The following GATA2 variants were observed in gnomAD, a reference collection of about 807,000 sequenced individuals.
The protein encoded by GATA2 is endothelial transcription factor GATA-2.
In GATA2, 6 loss-of-function variants were observed where a neutral mutation model predicts 35.7. That is an observed-to-expected ratio of 0.17 (90% CI 0.09 to 0.33). The LOEUF is 0.33. Among genes scored for constraint, GATA2 ranks in the 10% least tolerant of loss-of-function variants. The pLI, the probability that GATA2 is intolerant of heterozygous loss-of-function variation, is 1.00. For missense variants in GATA2, 541 were observed against 656.6 expected (o/e 0.82, Z 1.92); for synonymous variants, 313 against 274.9 (o/e 1.14, Z -1.37).
chr3:128,486,456 G>T (rs1005227509), intron 2 of GATA2, 88 bp from the exon 3 acceptor site: 2 of 1,490,574 alleles, frequency 1.3e-6, no homozygotes, highest in South Asian at 1.2e-5. Context: ...TTGAGATCAC[G>T]ACTCCCAGAA....
At chr3:128,485,703 G>A (rs781384657) in intron 3 of GATA2, 24 bp downstream of exon 3, 6 of 1,611,486 alleles carry the variant, frequency 3.7e-6, no homozygotes, top group South Asian at 1.1e-5. Context: ...CCTCTTCCAC[G>A]AAGTCCCCAG....
chr3:128,491,812 A>G (rs1242764408), intron 1 of GATA2, among the ~76,000 whole-genome samples: 1 of 151,696 alleles, frequency 6.6e-6, no homozygotes, highest in Non-Finnish European at 1.5e-5. Flanking sequence ...TCCCCGCGGA[A>G]CCCTGCTGAG....
At chr3:128,482,507 T>C (rs2068642846) in intron 4 of GATA2, among the ~76,000 whole-genome samples, 1 of 152,146 alleles carries the variant, frequency 6.6e-6, no homozygotes, top group Non-Finnish European at 1.5e-5. Context: ...ATTAACAAAA[T>C]TAAAAACCCA....
rs2068740456 is a variant in GATA2 at position 128,488,896 on chromosome 3, C to T, written c.-45-1820G>A. On this transcript the variant is annotated intron_variant, in intron 1 of 5. Coordinates refer to ENST00000341105, the MANE Select transcript of GATA2 (RefSeq NM_032638.5). This position sits in a 1 kb window ranked among gnomAD's most constrained non-coding sequence, Gnocchi z 5.8. ...GGGGAGACGGAGGCTCGAAGGGAGC[C>T]CCGGGCCGAGGAGGGAGGTCCAGGA... Among the ~76,000 whole-genome samples, 1 of 152,162 alleles carries T rather than the reference C, an allele frequency of 6.6e-6. No individual in the cohort carries two copies. The highest frequency in any genetic ancestry group is 2.1e-4 in the South Asian group (1 of 4,828).
intron 1 of GATA2, chr3:128,489,598 G>A (rs1191934521): frequency 7.2e-5 from 11 of 152,120 alleles, no homozygotes; most frequent in Admixed American, 7.2e-4. Context: ...GCGCCAGCCC[G>A]GGAAGCCGCG....
Position 128,479,604 on chromosome 3 carries a change from T to C in GATA2, c.*1415A>G, listed in dbSNP as rs2068598393. 1 of 233,524 alleles carries C rather than the reference T, an allele frequency of 4.3e-6. No individual in the cohort carries two copies. Among genetic ancestry groups the C allele is most frequent in the African/African-American group, 2.2e-5 (1 of 45,342 alleles). The allele number at this position is 233,524 out of a possible 1,614,324, so 14.5% of individuals were successfully genotyped here. ...AAAACAGAAAATACTGCCGATTCTT[T>C]TTCTTATGCGGACACTAGTACAAAA... On this transcript the variant is annotated 3_prime_UTR_variant, in exon 6 of 6. Transcript: ENST00000341105.
Position 128,481,938 on chromosome 3 carries a change from C to T in GATA2, c.1024G>A (p.Ala342Thr), listed in dbSNP as rs751285156. ...LIKPKRRLSA[A>T]RRAGTCCANC... ...GCACAACAGGTGCCGGCTCTTCTGGCGGCCGACTGGGAGGGCAAGGCAGCG... is the reference window on the plus strand; with the variant it reads ...GCACAACAGGTGCCGGCTCTTCTGGTGGCCGACTGGGAGGGCAAGGCAGCG... The change falls in exon 5 of 6, where the codon GCC becomes ACC. Residue 342 changes from alanine to threonine, a missense_variant. Physicochemically the swap from Ala to Thr is moderately conservative, Grantham distance 58. This residue lies in a region of GATA2 where 19 missense variants were observed against 18.9 expected (regional missense o/e 1.00). Transcript: ENST00000341105. 2.2e-5 allele frequency: 35 copies of T among 1,613,364 alleles called. No individual in the cohort carries two copies. Among genetic ancestry groups the T allele is most frequent in the Admixed American group, 8.3e-5 (5 of 60,008 alleles).
chr3:128,481,091 C>T lies in GATA2; in HGVS notation c.1371G>A (p.Thr457=), dbSNP rs763539605. The change falls in exon 6 of 6, where the codon ACG becomes ACA. Residue 457 remains threonine (T), a synonymous_variant. Transcript: ENST00000341105. ...AGAGGCTGGAGGAGGGGTGGATGGG[C>T]GTCGGAGTGGGCAGGATGTGTCCGG... ...SHSGHILPTP[T]PIHPSSSLSF... is the part of the protein sequence containing the mutation. 3 of 1,610,310 alleles carry T rather than the reference C, an allele frequency of 1.9e-6. No individual in the cohort carries two copies. Among genetic ancestry groups the T allele is most frequent in the Non-Finnish European group, 2.5e-6 (3 of 1,177,474 alleles).
intron 1 of GATA2, chr3:128,490,419 GA>G (rs987969655): frequency 2.6e-5 from 4 of 152,144 alleles, no homozygotes; most frequent in Non-Finnish European, 4.4e-5. Flanking sequence ...CGGTGTAGAG[GA>G]AAAAAAGGAA....
In GATA2 at chr3:128,480,974, T is replaced by C. The variant is rs1167493201; in HGVS notation, c.*45A>G. ...AAATGCTGGGCTGCTAAGGGTTTGGTCCACCCATCCCGGGAGTGCCCGGTC... is the reference window on the plus strand; with the variant it reads ...AAATGCTGGGCTGCTAAGGGTTTGGCCCACCCATCCCGGGAGTGCCCGGTC... On this transcript the variant is annotated 3_prime_UTR_variant, in exon 6 of 6. Coordinates refer to ENST00000341105, the MANE Select transcript of GATA2 (RefSeq NM_032638.5). The C allele has an allele frequency of 2.7e-6, 4 of 1,495,352 alleles. No homozygotes were observed. The highest frequency in any genetic ancestry group is 3.6e-6 in the Non-Finnish European group (4 of 1,120,092). 92.6% of individuals were successfully genotyped at this position (1,495,352 alleles called of 1,614,324 possible). A position where few individuals can be genotyped will look rare whatever the true frequency, so the allele number is the denominator to read the frequency against.
Position 128,479,596 on chromosome 3 carries a change from C to T in GATA2, c.*1423G>A, listed in dbSNP as rs970826848. ...AAAACATAAAAACAGAAAATACTGC[C>T]GATTCTTTTTCTTATGCGGACACTA... On this transcript the variant is annotated 3_prime_UTR_variant, in exon 6 of 6. Coordinates refer to ENST00000341105, the MANE Select transcript of GATA2 (RefSeq NM_032638.5). 3.9e-5 allele frequency: 9 copies of T among 233,336 alleles called. No individual in the cohort carries two copies. The highest frequency in any genetic ancestry group is 1.1e-4 in the Admixed American group (2 of 17,774). 14.5% of individuals were successfully genotyped at this position (233,336 alleles called of 1,614,324 possible). A position where few individuals can be genotyped will look rare whatever the true frequency, so the allele number is the denominator to read the frequency against.
At chr3:128,489,615 G>T (rs1442352265) in intron 1 of GATA2, 4 of 152,126 alleles carry the variant, frequency 2.6e-5, no homozygotes, top group Non-Finnish European at 4.4e-5. Context: ...CGCGCAGGGG[G>T]CGGGAGGCCG....
intron 4 of GATA2, among the ~76,000 whole-genome samples, chr3:128,482,905 T>TG (rs943210796): frequency 6.6e-6 from 1 of 152,120 alleles, no homozygotes; most frequent in African/African-American, 2.4e-5. Context: ...GTGGTGAGTG[T>TG]GGGGGGCTGG....
rs1038263839 is a variant in GATA2, at chr3:128,482,692, G to A, written c.1018-748C>T. Among the ~76,000 whole-genome samples, 4 of 151,584 alleles carry A rather than the reference G, an allele frequency of 2.6e-5. 1 individual carries two copies. Among genetic ancestry groups the A allele is most frequent in the African/African-American group, 9.7e-5 (4 of 41,154 alleles). On this transcript the variant is annotated intron_variant, in intron 4 of 5. Transcript: ENST00000341105. The stretch of plus-strand genomic sequence containing the variant: ...CCCTTAGAGCTTTAACCACCCCGCA[G>A]CCCCTCTGAGTCCTAGTCCCTCAGG...
rs1576748638 is a variant in GATA2 at position 128,485,988 on chromosome 3, G to C, written c.610C>G (p.Arg204Gly). The C allele has an allele frequency of 2.5e-6, 4 of 1,614,186 alleles. No homozygotes were observed. The highest frequency in any genetic ancestry group is 3.4e-6 in the Non-Finnish European group (4 of 1,180,032). Residue 204 changes from arginine to glycine, a missense_variant, in exon 3 of 6, where the codon CGA becomes GGA. By Grantham distance (125) the Arg-to-Gly change is moderately radical. Transcript: ENST00000341105. The part of the protein sequence containing the change: ...ASSSAGGSAA[R>G]GEDKDGVKYQ... Reference sequence around the variant, plus strand: ...TTGACGCCGTCCTTGTCCTCTCCTCGGGCTGCACTACCCCCCGCGGAAGAT... The same window carrying C: ...TTGACGCCGTCCTTGTCCTCTCCTCCGGCTGCACTACCCCCCGCGGAAGAT...
chr3:128,479,671 G>A lies in GATA2; in HGVS notation c.*1348C>T, dbSNP rs182456056. On this transcript the variant is annotated 3_prime_UTR_variant, in exon 6 of 6. Transcript: ENST00000341105. The stretch of plus-strand genomic sequence containing the variant: ...GTGGTGCTCCCTGCAGCGACTGCCC[G>A]CCCATATTGCACTTGGTCACTACAT... 7.7e-5 allele frequency: 18 copies of A among 233,576 alleles called. No homozygotes were observed. The highest frequency in any genetic ancestry group is 1.8e-4 in the African/African-American group (8 of 45,452). The allele number at this position is 233,576 out of a possible 1,614,324, so 14.5% of individuals were successfully genotyped here.
At chr3:128,485,440 G>T (rs182094153) in intron 3 of GATA2, among the ~76,000 whole-genome samples, 178 of 152,324 alleles carry the variant, frequency 1.2e-3, no homozygotes, top group African/African-American at 4.2e-3. Flanking sequence ...TTCAGGGAGG[G>T]AAAGGGGGAA....
Position 128,486,937 on chromosome 3 carries a change from T to C in GATA2, c.95A>G (p.Asn32Ser), listed in dbSNP as rs1237254296. 1.2e-6 allele frequency: 2 copies of C among 1,613,074 alleles called. No individual in the cohort carries two copies. Among genetic ancestry groups the C allele is most frequent in the East Asian group, 2.2e-5 (1 of 44,858 alleles). ...PDSHHPGLAH[N>S]YMEPAQLLPP... ...CAGCAGCTGCGCGGGTTCCATGTAG[T>C]TGTGCGCCAGGCCCGGGTGGTGTGA... The change falls in exon 2 of 6, where the codon AAC becomes AGC. Residue 32 changes from asparagine to serine, a missense_variant. By Grantham distance (46) the Asn-to-Ser change is conservative (BLOSUM62 1). Coordinates refer to ENST00000341105, the MANE Select transcript of GATA2 (RefSeq NM_032638.5).
Position 128,482,304 on chromosome 3 carries a change from G to A in GATA2, c.1018-360C>T, listed in dbSNP as rs189360887. 3.0e-3 allele frequency among the ~76,000 whole-genome samples: 456 copies of A among 152,210 alleles called. 1 individual carries two copies. Among genetic ancestry groups the A allele is most frequent in the Non-Finnish European group, 4.7e-3 (318 of 68,008 alleles). On this transcript the variant is annotated intron_variant, in intron 4 of 5. Coordinates refer to ENST00000341105, the MANE Select transcript of GATA2 (RefSeq NM_032638.5). ...AGCACAGGCATCCTGAGGCTGAGCC[G>A]GCTTGGTCCCCCTCGAGCCCCTGGA...
Sources: allele counts gnomAD v4.1 joint callset (sites outside exome capture counted in the v4.1 genomes callset), GRCh38; gene constraint gnomAD v4.1.1; regional missense constraint gnomAD v4.1.1; non-coding constraint Gnocchi (gnomAD v3.1); transcripts MANE v1.5; gene names NCBI Gene and HGNC (gene_info 2026-07-23, HGNC 2026-07-21).